FHIT: variants seen among roughly 807,000 people sequenced by gnomAD.
The protein encoded by FHIT is bis(5'-adenosyl)-triphosphatase.
Under a neutral mutation model 17.9 loss-of-function variants are expected in FHIT, and 19 were observed. The observed-to-expected ratio is 1.06, with a 90% confidence interval of 0.74 to 1.56. The LOEUF (loss-of-function observed/expected upper bound fraction) is 1.56, where lower values mean the gene tolerates loss of function less well. FHIT is among the 40% of genes most tolerant of loss of function. FHIT has a pLI of 0.00. For missense variants in FHIT, 248 were observed against 189.2 expected, an observed-to-expected ratio of 1.31 and a Z score of -1.82; for synonymous variants, 81 against 69.7, an observed-to-expected ratio of 1.16 and a Z score of -0.81.
At chr3:60,197,715 T>C (rs1245953083) in intron 5 of FHIT, among the ~76,000 whole-genome samples, 2 of 152,204 alleles carry the variant, frequency 1.3e-5, no homozygotes, top group Non-Finnish European at 2.9e-5. Flanking sequence ...AAAACATTTC[T>C]TCTTTGTATT....
intron 8 of FHIT, among the ~76,000 whole-genome samples, chr3:59,897,616 C>T (rs114050320): frequency 0.013 from 1,967 of 152,238 alleles, 52 homozygotes; most frequent in African/African-American, 0.045. Flanking sequence ...CATCTTTAGA[C>T]ATGAACAAAT....
chr3:60,468,168 A>G (rs1208432567), intron 5 of FHIT, among the ~76,000 whole-genome samples: 1 of 151,742 alleles, frequency 6.6e-6, no homozygotes, highest in Non-Finnish European at 1.5e-5. Flanking sequence ...CTTTATTTTT[A>G]GTCTATGTGT....
chr3:60,545,512 A>C (rs1413369499), intron 4 of FHIT, among the ~76,000 whole-genome samples: 1 of 152,194 alleles, frequency 6.6e-6, no homozygotes, highest in African/African-American at 2.4e-5. Flanking sequence ...TATTGCCGTG[A>C]AAGTATTCCA....
chr3:60,207,471 C>G (rs1289901559), intron 5 of FHIT, among the ~76,000 whole-genome samples: 1 of 151,916 alleles, frequency 6.6e-6, no homozygotes, highest in African/African-American at 2.4e-5. Context: ...CAAACCTAAT[C>G]CTGTTTGTTC....
At chr3:60,166,299 C>T (rs1321214330) in intron 5 of FHIT, among the ~76,000 whole-genome samples, 1 of 152,002 alleles carries the variant, frequency 6.6e-6, no homozygotes, top group Non-Finnish European at 1.5e-5. Context: ...GTTATGCATC[C>T]AAAGGGTTCA....
At chr3:59,929,417 C>T (rs1258284563) in intron 7 of FHIT, among the ~76,000 whole-genome samples, 3 of 125,836 alleles carry the variant, frequency 2.4e-5, no homozygotes, top group African/African-American at 9.2e-5. Context: ...GTCACCCAGG[C>T]TGGAGTGCAG....
At chr3:60,486,937 T>C (rs1192367441) in intron 5 of FHIT, among the ~76,000 whole-genome samples, 3 of 152,204 alleles carry the variant, frequency 2.0e-5, no homozygotes, top group African/African-American at 7.2e-5. Context: ...TTCAACAACT[T>C]TGGGAGTGAC....
rs190010252 is a variant in FHIT, at chr3:60,551,852, T to A, written c.-17-14873A>T. ...TTTGAAAAGTGACATACAATTCATA[T>A]ACCATAAAATTCACCCTTCTAGTGT... On this transcript the variant is annotated intron_variant, in intron 4 of 9. Coordinates refer to ENST00000492590, the MANE Select transcript of FHIT (RefSeq NM_002012.4). Among the ~76,000 whole-genome samples the A allele has an allele frequency of 1.4e-4, 22 of 151,964 alleles. No homozygotes were observed. In the East Asian group the frequency reaches 4.3e-3, roughly 30 times the overall value.
intron 7 of FHIT, among the ~76,000 whole-genome samples, chr3:60,002,297 TTTG>T (rs1299184374): frequency 1.3e-5 from 2 of 152,080 alleles, no homozygotes; most frequent in Non-Finnish European, 2.9e-5. Flanking sequence ...TGTTTTTTTG[TTTG>T]TTGTTGTTTG....
chr3:59,881,737 T>C (rs1427741883), intron 8 of FHIT, among the ~76,000 whole-genome samples: 1 of 152,120 alleles, frequency 6.6e-6, no homozygotes, highest in Non-Finnish European at 1.5e-5. Context: ...GCTAAAAACA[T>C]TAGGATAGAA....
chr3:60,505,767 A>G (rs2034703754), intron 5 of FHIT, among the ~76,000 whole-genome samples: 1 of 152,162 alleles, frequency 6.6e-6, no homozygotes, highest in Admixed American at 6.5e-5. Context: ...AAACTCTTAG[A>G]TTTCTGCTAT....
intron 4 of FHIT, among the ~76,000 whole-genome samples, chr3:60,734,570 T>C (rs547020687): frequency 1.5e-4 from 23 of 152,284 alleles, no homozygotes; most frequent in Admixed American, 5.9e-4. Flanking sequence ...CATCCCGCCA[T>C]GTTACCAAGG....
At chr3:60,789,950 A>C (rs1370881546) in intron 4 of FHIT, among the ~76,000 whole-genome samples, 1 of 152,190 alleles carries the variant, frequency 6.6e-6, no homozygotes, top group Non-Finnish European at 1.5e-5. Flanking sequence ...TTTTCCCAGA[A>C]GTGTAGCGTC....
chr3:60,378,175 T>C (rs9863137), intron 5 of FHIT, among the ~76,000 whole-genome samples: 89,783 of 151,462 alleles, frequency 0.59, 27,435 homozygotes, highest in East Asian at 0.69. Context: ...TACAGACGCC[T>C]GCCACTATGC....
At chr3:60,657,588 G>A (rs1412130733) in intron 4 of FHIT, among the ~76,000 whole-genome samples, 2 of 152,134 alleles carry the variant, frequency 1.3e-5, no homozygotes, top group African/African-American at 2.4e-5. Flanking sequence ...TACAGTGAAA[G>A]TACTGCTATT....
At chr3:60,399,525 C>A (rs975896168) in intron 5 of FHIT, among the ~76,000 whole-genome samples, 1 of 152,136 alleles carries the variant, frequency 6.6e-6, no homozygotes, top group African/African-American at 2.4e-5. Context: ...TGTCTTGGAT[C>A]TGGAGTATAG....
intron 5 of FHIT, among the ~76,000 whole-genome samples, chr3:60,062,616 T>C (rs1212790752): frequency 1.3e-5 from 2 of 152,192 alleles, no homozygotes; most frequent in East Asian, 1.9e-4. Context: ...GGATTTATCC[T>C]AAGAAGGCAT....
At chr3:60,162,677 C>T (rs949282304) in intron 5 of FHIT, among the ~76,000 whole-genome samples, 1 of 152,082 alleles carries the variant, frequency 6.6e-6, no homozygotes, top group African/African-American at 2.4e-5. Flanking sequence ...ATGAGAAACT[C>T]GCTAGCAATC....
chr3:60,392,510 A>G (rs1701272772), intron 5 of FHIT, among the ~76,000 whole-genome samples: 1 of 152,224 alleles, frequency 6.6e-6, no homozygotes, highest in African/African-American at 2.4e-5. Flanking sequence ...GATTAACAGC[A>G]GAAACAGGCA....
Sources: gnomAD v4.1 joint callset for allele counts (sites outside exome capture counted in the v4.1 genomes callset) on GRCh38, gnomAD v4.1.1 for gene constraint, MANE v1.5 for transcripts, NCBI Gene and HGNC (gene_info 2026-07-23, HGNC 2026-07-21) for gene names.